Variants in SPAG5 observed in about 807,000 individuals in gnomAD.
SPAG5 encodes sperm-associated antigen 5.
Under a neutral mutation model 145.4 loss-of-function variants are expected in SPAG5, and 99 were observed. That is an observed-to-expected ratio of 0.68 (90% confidence interval 0.58 to 0.80). The LOEUF (loss-of-function observed/expected upper bound fraction) is 0.80, where lower values mean the gene tolerates loss of function less well. SPAG5 is among the 30% of genes least tolerant of loss of function. The pLI is 0.00. For missense variants in SPAG5, 1,192 were observed against 1,416.0 expected, an observed-to-expected ratio of 0.84 and a Z score of 2.54; for synonymous variants, 477 against 525.4, an observed-to-expected ratio of 0.91 and a Z score of 1.26.
At chr17:28,579,888 G>T in intron 16 of SPAG5, 51 bp from the exon 17 acceptor site, 2 of 1,577,794 alleles carry the variant, frequency 1.3e-6, no homozygotes, top group South Asian at 1.1e-5. Flanking sequence ...ATCCAGGCAG[G>T]GGTCTACCAT....
Position 28,592,469 on chromosome 17 carries a change from G to A in SPAG5, c.775C>T (p.Arg259Cys). ...SPSTALAADF[R>C]VNHVDPEEEI... ...TCCTCTGGGTCCACATGATTGACAC[G>A]GAAATCTGCTGCCAAGGCAGTTGAA... The change falls in exon 3 of 24, where the codon CGT (arginine) becomes TGT (cysteine). Residue 259 changes from arginine (R) to cysteine (C), a missense_variant. Coordinates refer to ENST00000321765, the MANE Select transcript of SPAG5 (RefSeq NM_006461.4). The A allele has an allele frequency of 1.9e-6, 3 of 1,613,750 alleles. No individual in the cohort carries two copies. Among genetic ancestry groups the A allele is most frequent in the Non-Finnish European group, 2.5e-6 (3 of 1,180,032 alleles).
At chr17:28,580,357 C>T in intron 15 of SPAG5, 1 of 272,726 alleles carries the variant, frequency 3.7e-6, no homozygotes, top group Non-Finnish European at 6.8e-6. Context: ...CTTCTTCTTA[C>T]CTTAAATCCC....
Position 28,584,691 on chromosome 17 carries a change from T to C in SPAG5, c.2122A>G (p.Thr708Ala), listed in dbSNP as rs376364435. The C allele has an allele frequency of 6.2e-7, 1 of 1,614,162 alleles. No individual in the cohort carries two copies. Among genetic ancestry groups the C allele is most frequent in the East Asian group, 2.2e-5 (1 of 44,876 alleles). Reference sequence around the variant, plus strand: ...CTGTTTTCCAACTCCAGTTGTTCTGTTTGGCCTTTGCACTCCTCTAACTGG... The same window carrying C: ...CTGTTTTCCAACTCCAGTTGTTCTGCTTGGCCTTTGCACTCCTCTAACTGG... Reference protein sequence around the residue: ...SAQLEECKGQTEQLELENSRL... With the variant: ...SAQLEECKGQAEQLELENSRL... Residue 708 changes from threonine to alanine, a missense_variant, in exon 11 of 24, where the codon ACA (threonine) becomes GCA (alanine). Physicochemically the swap from Thr to Ala is moderately conservative, Grantham distance 58. Around this residue, in one of 5 missense-constraint regions of SPAG5, gnomAD observed 709 missense variants for 840.7 expected, o/e 0.84. Coordinates refer to ENST00000321765, the MANE Select transcript of SPAG5 (RefSeq NM_006461.4).
intron 4 of SPAG5, among the ~76,000 whole-genome samples, chr17:28,589,736 C>T (rs956298165): frequency 6.6e-6 from 1 of 151,940 alleles, no homozygotes; most frequent in African/African-American, 2.4e-5. Flanking sequence ...ATAGCAAAAC[C>T]CCATCTCTAC....
Position 28,577,599 on chromosome 17 carries a change from A to G in SPAG5, c.*100T>C, listed in dbSNP as rs1219142120. On this transcript the variant is annotated 3_prime_UTR_variant, in exon 24 of 24. Transcript: ENST00000321765. The stretch of plus-strand genomic sequence containing the variant: ...TTCATTAAATACACTTTATTTAAAT[A>G]GCATTTATCTCAGTTGGCTCTATGC... The G allele has an allele frequency of 5.0e-6, 4 of 799,720 alleles. No individual in the cohort carries two copies. Among genetic ancestry groups the G allele is most frequent in the Middle Eastern group, 2.3e-4 (1 of 4,402 alleles). 49.5% of individuals were successfully genotyped at this position (799,720 alleles called of 1,614,324 possible). A position where few individuals can be genotyped will look rare whatever the true frequency, so the allele number is the denominator to read the frequency against.
chr17:28,579,620 G>A (rs2070536469), intron 17 of SPAG5, 131 bp downstream of exon 17: 1 of 1,393,186 alleles, frequency 7.2e-7, no homozygotes, highest in Non-Finnish European at 1.0e-6. Flanking sequence ...ACAGATCCCA[G>A]AAGGCAGAAA....
Position 28,591,960 on chromosome 17 carries a change from G to A in SPAG5, c.1262+22C>T, listed in dbSNP as rs769189783. The A allele has an allele frequency of 1.1e-5, 18 of 1,612,044 alleles. No homozygotes were observed. The South Asian group carries it at 1.6e-4, about 15-fold the overall frequency. The stretch of plus-strand genomic sequence containing the variant: ...TCCAGGGTAATGGAACTCACGAGGT[G>A]CAAGGACATAGGGGCGCTTACCCAC... On this transcript the variant is annotated intron_variant, in intron 3 of 23. Transcript: ENST00000321765.
chr17:28,590,112 C>T (rs1444103466), intron 4 of SPAG5, among the ~76,000 whole-genome samples: 4 of 152,128 alleles, frequency 2.6e-5, no homozygotes, highest in South Asian at 2.1e-4. Context: ...TAAACATGCT[C>T]GGCAAAATTT....
chr17:28,581,531 A>T (rs1046726595), intron 15 of SPAG5, among the ~76,000 whole-genome samples: 1 of 150,822 alleles, frequency 6.6e-6, no homozygotes, highest in African/African-American at 2.4e-5. Context: ...CAGCTCTCCC[A>T]GCTGGACCTC....
At chr17:28,590,054 C>T (rs1203861193) in intron 4 of SPAG5, among the ~76,000 whole-genome samples, 1 of 152,142 alleles carries the variant, frequency 6.6e-6, no homozygotes, top group Non-Finnish European at 1.5e-5. Flanking sequence ...ATAGAGAAAT[C>T]TTTTAATCAG....
Position 28,584,162 on chromosome 17 carries a change from T to C in SPAG5, c.2400A>G (p.Lys800=). 2 of 1,614,088 alleles carry C rather than the reference T, an allele frequency of 1.2e-6. No homozygotes were observed. Among genetic ancestry groups the C allele is most frequent in the South Asian group, 1.1e-5 (1 of 91,092 alleles). The part of the protein sequence containing the change: ...AVLAKEVRDL[K]ETLEFADQEN... ...CCATATTCCTTACCTCCAAGGTCTC[T>C]TTCAGGTCCCGCACCTCTTTGGCCA... Residue 800 remains lysine (K), a synonymous_variant, in exon 13 of 24, where the codon AAA becomes AAG. Transcript: ENST00000321765.
intron 2 of SPAG5, among the ~76,000 whole-genome samples, chr17:28,594,149 C>T (rs1483201303): frequency 6.6e-6 from 1 of 152,076 alleles, no homozygotes; most frequent in African/African-American, 2.4e-5. Context: ...AATGAAAGAC[C>T]TGAGTTTGCA....
intron 15 of SPAG5, among the ~76,000 whole-genome samples, chr17:28,582,394 T>C (rs1310073394): frequency 3.3e-5 from 5 of 152,200 alleles, no homozygotes; most frequent in Non-Finnish European, 7.3e-5. Flanking sequence ...CACCGTTCCC[T>C]CTGCCTAGTG....
intron 2 of SPAG5, among the ~76,000 whole-genome samples, chr17:28,596,908 C>A (rs2070669272): frequency 6.6e-6 from 1 of 150,762 alleles, no homozygotes; most frequent in African/African-American, 2.4e-5. Context: ...GAGTTCGAGA[C>A]CAGCCTGACC....
intron 2 of SPAG5, among the ~76,000 whole-genome samples, chr17:28,593,764 C>T (rs960222390): frequency 6.6e-6 from 1 of 151,774 alleles, no homozygotes; most frequent in Non-Finnish European, 1.5e-5. Context: ...TAGACCCTAA[C>T]AAAACAGAGC....
intron 15 of SPAG5, among the ~76,000 whole-genome samples, chr17:28,581,974 T>C (rs1044813294): frequency 2.6e-5 from 4 of 152,172 alleles, no homozygotes; most frequent in Non-Finnish European, 5.9e-5. Context: ...AGGATCATCA[T>C]TCACTCTTCT....
chr17:28,586,028 G>A (rs1190610090), intron 6 of SPAG5, 30 bp from the exon 7 acceptor site: 1 of 1,613,984 alleles, frequency 6.2e-7, no homozygotes, highest in African/African-American at 1.3e-5. Context: ...TAATGTGTCT[G>A]GTTCCTCTTT....
rs778815838 is a variant in SPAG5, at chr17:28,591,704, G to A, written c.1431C>T (p.His477=). 1.9e-6 allele frequency: 3 copies of A among 1,606,868 alleles called. No individual in the cohort carries two copies. Among genetic ancestry groups the A allele is most frequent in the Middle Eastern group, 1.7e-4 (1 of 5,858 alleles). Residue 477 remains histidine, a synonymous_variant, in exon 4 of 24, where the codon CAC becomes CAT. Coordinates refer to ENST00000321765, the MANE Select transcript of SPAG5 (RefSeq NM_006461.4). ...TTGAGAGGAACCTTCTTACCCCACT[G>A]TGAGATGTGTCAGTCTGTGTGCTAC... ...QDSSTQTDTS[H]SGITNKLQHL...
rs186995960 is a variant in SPAG5, at chr17:28,586,226, A to G, written c.1513-44T>C. On this transcript the variant is annotated intron_variant, in intron 5 of 23. Coordinates refer to ENST00000321765, the MANE Select transcript of SPAG5 (RefSeq NM_006461.4). ...GTAGGTGAGATCAAATAAAGTCACT[A>G]AGCAGGAAACAGGGGCACTGGGGAG... is the stretch of plus-strand genomic sequence containing the variant. 2.1e-4 allele frequency: 320 copies of G among 1,534,444 alleles called. 1 individual carries two copies. The highest frequency in any genetic ancestry group is 2.7e-4 in the Non-Finnish European group (298 of 1,108,486).
Sources: allele counts gnomAD v4.1 joint callset (sites outside exome capture counted in the v4.1 genomes callset), GRCh38; gene constraint gnomAD v4.1.1; regional missense constraint gnomAD v4.1.1; transcripts MANE v1.5; gene names NCBI Gene and HGNC (gene_info 2026-07-23, HGNC 2026-07-21).